EXOC1: variants seen among roughly 807,000 people sequenced by gnomAD.
EXOC1 encodes the protein SEC3-like 1.
In EXOC1, 67 loss-of-function variants were observed where a neutral mutation model predicts 107.7. That is an observed-to-expected ratio of 0.62 (90% CI 0.51 to 0.76). The LOEUF is 0.76. Among genes scored for constraint, EXOC1 ranks in the 30% least tolerant of loss-of-function variants. EXOC1 has a pLI of 0.00. For synonymous variants in EXOC1, 348 were observed against 353.5 expected (o/e 0.98, Z 0.17); for missense variants, 833 against 1,055.7 (o/e 0.79, Z 2.92).
At chr4:55,892,736 T>TTA (rs750404034) in intron 14 of EXOC1, 25 bp downstream of exon 14, 3 of 1,611,202 alleles carry the variant, frequency 1.9e-6, no homozygotes, top group Non-Finnish European at 2.5e-6. Context: ...CTATCATTGT[T>TTA]TATTTTGGAA....
chr4:55,868,498 C>T lies in EXOC1; in HGVS notation c.578C>T (p.Ser193Phe). 6.2e-7 allele frequency: 1 copy of T among 1,613,064 alleles called. No individual in the cohort carries two copies. The highest frequency in any genetic ancestry group is 8.5e-7 in the Non-Finnish European group (1 of 1,179,368). Residue 193 changes from serine (S) to phenylalanine (F), a missense_variant, in exon 5 of 19, where the codon TCC (serine) becomes TTC (phenylalanine). Coordinates refer to ENST00000381295, the MANE Select transcript of EXOC1 (RefSeq NM_001024924.2). ...GCGGAAGCCTTTGCAGAAAAATTGTCCAGAGAGCTGCAGGTGCTAGATGGG... is the reference window on the plus strand; with the variant it reads ...GCGGAAGCCTTTGCAGAAAAATTGTTCAGAGAGCTGCAGGTGCTAGATGGG... ...SNAEAFAEKL[S>F]RELQVLDGAN...
intron 9 of EXOC1, chr4:55,883,159 A>C (rs988060322): frequency 2.0e-5 from 3 of 152,172 alleles, no homozygotes; most frequent in Non-Finnish European, 4.4e-5. Context: ...TGAAGTTCTT[A>C]TGGAAAATAA....
At chr4:55,871,814 C>A in intron 7 of EXOC1, 35 bp from the exon 8 acceptor site, 1 of 1,574,362 alleles carries the variant, frequency 6.4e-7, no homozygotes, top group South Asian at 1.1e-5. Context: ...TCTTTTTACC[C>A]ATTAAACTGG....
chr4:55,856,234 TAC>T (rs1720956278), intron 1 of EXOC1, among the ~76,000 whole-genome samples: 1 of 152,168 alleles, frequency 6.6e-6, no homozygotes, highest in South Asian at 2.1e-4. Flanking sequence ...AAGAAAATAA[TAC>T]AGTTTATGGA....
chr4:55,890,238 C>T lies in EXOC1; in HGVS notation c.1391C>T (p.Ser464Leu), dbSNP rs1160024943. Residue 464 changes from serine to leucine, a missense_variant, in exon 12 of 19, where the codon TCG (serine) becomes TTG (leucine). Coordinates refer to ENST00000381295, the MANE Select transcript of EXOC1 (RefSeq NM_001024924.2). ...KQETESLHGSSGKLTGSTSSL... is the reference protein window; with the variant it reads ...KQETESLHGSLGKLTGSTSSL... ...TATTTCTTAGGTCTTCATGGAAGTT[C>T]GGGGAAATTAACTGGATCTACTTCT... 21 of 1,613,616 alleles carry T rather than the reference C, an allele frequency of 1.3e-5. No homozygotes were observed. The highest frequency in any genetic ancestry group is 2.2e-5 in the East Asian group (1 of 44,862).
intron 4 of EXOC1, among the ~76,000 whole-genome samples, chr4:55,867,554 T>C (rs888126052): frequency 6.9e-6 from 1 of 144,710 alleles, no homozygotes; most frequent in Non-Finnish European, 1.5e-5. Context: ...CACATGCTAG[T>C]GTATTTCCTC....
At position 55,879,986 on chromosome 4, in the gene EXOC1, GA is replaced by G. The variant is rs1345656601; in HGVS notation, c.1224+1922del. Among the ~76,000 whole-genome samples, 5 of 152,104 alleles carry G rather than the reference GA, an allele frequency of 3.3e-5. 1 individual carries two copies. The highest frequency in any genetic ancestry group is 1.2e-4 in the African/African-American group (5 of 41,514). ...TTGTCTCTGTGGAATGAGAATATTG[GA>G]ATTGCTAATATAAAAGCAACTTCTA... On this transcript the variant is annotated intron_variant, in intron 9 of 18. Coordinates refer to ENST00000381295, the MANE Select transcript of EXOC1 (RefSeq NM_001024924.2).
In EXOC1 at chr4:55,878,002, G is replaced by A. The variant is rs770558924; in HGVS notation, c.1160G>A (p.Arg387Gln). The change falls in exon 9 of 19, where the codon CGA becomes CAA. Residue 387 changes from arginine (R) to glutamine (Q), a missense_variant. Transcript: ENST00000381295. ...NHHPFHRDLLRYAKLMEWLKS... is the reference protein window; with the variant it reads ...NHHPFHRDLLQYAKLMEWLKS... ...CATCCATTTCATAGAGATTTGCTCC[G>A]ATATGCCAAGCTGATGGAGTGGCTA... The A allele has an allele frequency of 1.5e-5, 24 of 1,613,674 alleles. No homozygotes were observed. The highest frequency in any genetic ancestry group is 5.0e-5 in the Admixed American group (3 of 59,966).
intron 14 of EXOC1, 24 bp from the exon 15 acceptor site, chr4:55,893,528 A>G (rs763167908): frequency 4.4e-6 from 7 of 1,600,242 alleles, no homozygotes; most frequent in South Asian, 2.2e-5. Flanking sequence ...ATAACTTTAT[A>G]CTTCTTGTCT....
chr4:55,901,880 T>C (rs1467621522), intron 17 of EXOC1, among the ~76,000 whole-genome samples: 2 of 152,082 alleles, frequency 1.3e-5, no homozygotes, highest in Non-Finnish European at 2.9e-5. Flanking sequence ...ATTTAATCAG[T>C]AAGATGGGTA....
rs1297501249 is a variant in EXOC1 at position 55,904,422 on chromosome 4, G to A, written c.2612G>A (p.Gly871Glu). The A allele has an allele frequency of 3.1e-6, 5 of 1,612,860 alleles. No individual in the cohort carries two copies. The highest frequency in any genetic ancestry group is 4.2e-6 in the Non-Finnish European group (5 of 1,179,724). ...FEGLIARCYP[G>E]SGVTMEFTIQ... The stretch of plus-strand genomic sequence containing the variant: ...GGTTTGATAGCTCGCTGTTATCCTG[G>A]ATCTGGTGTTACAATGGAATTCACT... The change falls in exon 19 of 19, where the codon GGA becomes GAA. Residue 871 changes from glycine to glutamate, a missense_variant. By Grantham distance (98) the Gly-to-Glu change is moderately conservative. Coordinates refer to ENST00000381295, the MANE Select transcript of EXOC1 (RefSeq NM_001024924.2).
Position 55,893,764 on chromosome 4 carries a change from A to C in EXOC1, c.1937A>C (p.Asn646Thr), listed in dbSNP as rs1255562230. ...AATGTTTTGGTGACTGTCAAAAGGA[A>C]CTTTGACAAATGCATTGTAAGTTTT... ...LGNVLVTVKRNFDKCISNQIR... is the reference protein window; with the variant it reads ...LGNVLVTVKRTFDKCISNQIR... Residue 646 changes from asparagine to threonine, a missense_variant, in exon 15 of 19, where the codon AAC becomes ACC. Transcript: ENST00000381295. The C allele has an allele frequency of 6.2e-7, 1 of 1,612,126 alleles. No individual in the cohort carries two copies. Among genetic ancestry groups the C allele is most frequent in the Admixed American group, 1.7e-5 (1 of 59,732 alleles).
At chr4:55,864,849 A>G (rs1259145672) in intron 4 of EXOC1, among the ~76,000 whole-genome samples, 1 of 152,168 alleles carries the variant, frequency 6.6e-6, no homozygotes, top group Non-Finnish European at 1.5e-5. Context: ...CTTCTTTTAA[A>G]CAGCTCTGGG....
In EXOC1 at chr4:55,893,557, A is replaced by G. The variant is rs1724833526; in HGVS notation, c.1730A>G (p.Asp577Gly). Reference sequence around the variant, plus strand: ...CTTGTCTGTTTTCTGAACAGGAAAGATATGATCCGCCAAATGATGATTAAA... The same window carrying G: ...CTTGTCTGTTTTCTGAACAGGAAAGGTATGATCCGCCAAATGATGATTAAA... ...GTPLPVSSEK[D>G]MIRQMMIKIF... Residue 577 changes from aspartate (D) to glycine (G), a missense_variant, in exon 15 of 19, where the codon GAT becomes GGT. Asp to Gly is a moderately conservative substitution (Grantham distance 94). Around this residue, in one of 2 missense-constraint regions of EXOC1, gnomAD observed 617 missense variants for 701.3 expected, o/e 0.88. Coordinates refer to ENST00000381295, the MANE Select transcript of EXOC1 (RefSeq NM_001024924.2). 6.2e-7 allele frequency: 1 copy of G among 1,612,662 alleles called. No individual in the cohort carries two copies. Among genetic ancestry groups the G allele is most frequent in the Non-Finnish European group, 8.5e-7 (1 of 1,179,858 alleles).
chr4:55,872,208 C>T (rs1041749249), intron 8 of EXOC1, among the ~76,000 whole-genome samples: 4 of 152,072 alleles, frequency 2.6e-5, no homozygotes, highest in African/African-American at 9.7e-5. Context: ...AATAACTATG[C>T]ATATGAATTG....
At chr4:55,876,940 G>A (rs1722956794) in intron 8 of EXOC1, 1 of 985,114 alleles carries the variant, frequency 1.0e-6, no homozygotes, top group South Asian at 4.7e-5. Flanking sequence ...TACTTGGCAT[G>A]TCTTATACTC....
intron 16 of EXOC1, among the ~76,000 whole-genome samples, chr4:55,898,568 GAAAGT>G (rs796691813): frequency 4.2e-4 from 64 of 152,260 alleles, no homozygotes; most frequent in African/African-American, 1.2e-3. Context: ...AAATCAAGAA[GAAAGT>G]AAAGATCATT....
At chr4:55,871,747 C>A in intron 7 of EXOC1, 102 bp from the exon 8 acceptor site, 1 of 988,448 alleles carries the variant, frequency 1.0e-6, no homozygotes, top group Non-Finnish European at 1.5e-6. Flanking sequence ...ACCCATAAAA[C>A]TTTTGGGTTC....
rs1407188948 is a variant in EXOC1, at chr4:55,893,796, T to TA, written c.1953+23dup. ...CAAATGCATTGTAAGTTTTCTTTTT[T>TA]AAAAAAATACCTTAGCATCCTAGTC... On this transcript the variant is annotated intron_variant, in intron 15 of 18. Coordinates refer to ENST00000381295, the MANE Select transcript of EXOC1 (RefSeq NM_001024924.2). 1.3e-6 allele frequency: 2 copies of TA among 1,593,180 alleles called. No individual in the cohort carries two copies. Among genetic ancestry groups the TA allele is most frequent in the Non-Finnish European group, 1.7e-6 (2 of 1,166,826 alleles).
Sources: gnomAD v4.1 joint callset for allele counts (sites outside exome capture counted in the v4.1 genomes callset) on GRCh38, gnomAD v4.1.1 for gene constraint, gnomAD v4.1.1 regional missense constraint, MANE v1.5 for transcripts, NCBI Gene and HGNC (gene_info 2026-07-23, HGNC 2026-07-21) for gene names.